HMGCLL1: variants seen among roughly 807,000 people sequenced by gnomAD.
HMGCLL1 encodes 3-hydroxymethyl-3-methylglutaryl-CoA lyase, cytoplasmic.
In HMGCLL1, 36 loss-of-function variants were observed where a neutral mutation model predicts 39.1. The ratio of observed to expected loss-of-function variants is 0.92; its 90% confidence interval spans 0.71 to 1.22. The LOEUF (loss-of-function observed/expected upper bound fraction) is 1.22, where lower values mean the gene tolerates loss of function less well. Ranked by LOEUF, HMGCLL1 falls within the 50% of genes most tolerant of loss-of-function variation. HMGCLL1 has a pLI of 0.00. For synonymous variants in HMGCLL1, 149 were observed against 144.0 expected (o/e 1.03, Z -0.25); for missense variants, 451 against 416.5 (o/e 1.08, Z -0.72).
intron 1 of HMGCLL1, among the ~76,000 whole-genome samples, chr6:55,546,254 T>C (rs1489530579): frequency 2.0e-5 from 3 of 152,120 alleles, no homozygotes; most frequent in Non-Finnish European, 4.4e-5. Context: ...AAGATTCAAT[T>C]TGTCATCTAC....
chr6:55,446,322 T>G (rs1763839147), intron 7 of HMGCLL1, among the ~76,000 whole-genome samples: 2 of 148,430 alleles, frequency 1.3e-5, no homozygotes. Context: ...TAAATATATT[T>G]TTATATAACA....
At chr6:55,486,101 ATG>A (rs570744536) in intron 7 of HMGCLL1, among the ~76,000 whole-genome samples, 13 of 148,662 alleles carry the variant, frequency 8.7e-5, no homozygotes, top group South Asian at 4.3e-4. Context: ...CACAATATGT[ATG>A]TGTGTGTGTG....
chr6:55,669,999 T>A, the HMGCLL1 span, among the ~76,000 whole-genome samples: 1 of 151,830 alleles, frequency 6.6e-6, no homozygotes, highest in African/African-American at 2.4e-5. Flanking sequence ...TTTAGGAAGT[T>A]AAATTACAAA....
At chr6:55,572,034 A>C (rs984229866) in intron 1 of HMGCLL1, among the ~76,000 whole-genome samples, 1 of 152,130 alleles carries the variant, frequency 6.6e-6, no homozygotes, top group African/African-American at 2.4e-5. Context: ...AAAAGTAGAG[A>C]AGAATTTTTT....
At chr6:55,601,158 T>C in the HMGCLL1 span, among the ~76,000 whole-genome samples, 2 of 152,170 alleles carry the variant, frequency 1.3e-5, no homozygotes, top group Admixed American at 6.6e-5. Context: ...CATATAACAA[T>C]GAAAACTGTT....
intron 1 of HMGCLL1, among the ~76,000 whole-genome samples, chr6:55,572,386 AT>A (rs1401243612): frequency 6.6e-6 from 1 of 152,186 alleles, no homozygotes; most frequent in Non-Finnish European, 1.5e-5. Context: ...TTATTCATCT[AT>A]CAAAATTTTA....
At chr6:55,671,585 T>C in the HMGCLL1 span, among the ~76,000 whole-genome samples, 1 of 151,810 alleles carries the variant, frequency 6.6e-6, no homozygotes, top group African/African-American at 2.4e-5. Context: ...AGCAAAGACA[T>C]ATAAAAACTT....
At chr6:55,501,112 A>ACT (rs59233169) in intron 5 of HMGCLL1, among the ~76,000 whole-genome samples, 102,202 of 151,408 alleles carry the variant, frequency 0.68, 34,504 homozygotes, top group Non-Finnish European at 0.7. Context: ...AGATCTTCAC[A>ACT]CTGTCTCATT....
intron 1 of HMGCLL1, among the ~76,000 whole-genome samples, chr6:55,578,741 C>G (rs1771881588): frequency 6.6e-6 from 1 of 152,184 alleles, no homozygotes; most frequent in African/African-American, 2.4e-5. Context: ...AGGGTCTGAT[C>G]TGTAGAGGCG....
At chr6:55,596,518 A>T in the HMGCLL1 span, among the ~76,000 whole-genome samples, 2 of 151,200 alleles carry the variant, frequency 1.3e-5, no homozygotes, top group South Asian at 2.1e-4. Flanking sequence ...GATGTAAAAG[A>T]TTTAATTATG....
In HMGCLL1 at chr6:55,528,246, C is replaced by T. The variant is rs144313820; in HGVS notation, c.298-11643G>A. On this transcript the variant is annotated intron_variant, in intron 3 of 8. Coordinates refer to ENST00000274901, the MANE Select transcript of HMGCLL1 (RefSeq NM_001042406.2). ...TTACTTTCTATATGCAGGCGTACAA[C>T]AGGAAAGAGACATAGAGCATGCAAT... Among the ~76,000 whole-genome samples, 6 of 152,108 alleles carry T rather than the reference C, an allele frequency of 3.9e-5. No homozygotes were observed. In the East Asian group the frequency reaches 1.2e-3, roughly 29 times the overall value.
chr6:55,548,635 A>G (rs1359434649), intron 1 of HMGCLL1, among the ~76,000 whole-genome samples: 1 of 152,036 alleles, frequency 6.6e-6, no homozygotes, highest in Non-Finnish European at 1.5e-5. Flanking sequence ...TTTTTTTAAA[A>G]GTAGCTTCAG....
chr6:55,534,526 G>T (rs12216528), intron 3 of HMGCLL1, among the ~76,000 whole-genome samples: 29,377 of 152,134 alleles, frequency 0.19, 2,971 homozygotes, highest in Admixed American at 0.26. Flanking sequence ...GATTAAAGCT[G>T]CTATGCTGTG....
At chr6:55,453,626 T>A (rs760390219) in intron 7 of HMGCLL1, among the ~76,000 whole-genome samples, 3 of 152,202 alleles carry the variant, frequency 2.0e-5, no homozygotes, top group Non-Finnish European at 4.4e-5. Flanking sequence ...TCATCAGCAC[T>A]TTTATTTTCT....
At chr6:55,463,912 T>A (rs1764690257) in intron 7 of HMGCLL1, among the ~76,000 whole-genome samples, 1 of 152,030 alleles carries the variant, frequency 6.6e-6, no homozygotes, top group Non-Finnish European at 1.5e-5. Context: ...ATAAAAAAAA[T>A]AGGAAGAAAA....
chr6:55,591,237 A>G, the HMGCLL1 span, among the ~76,000 whole-genome samples: 2 of 152,078 alleles, frequency 1.3e-5, no homozygotes, highest in East Asian at 1.9e-4. Context: ...GAAGGACTCA[A>G]TCTTGTCCTA....
intron 1 of HMGCLL1, among the ~76,000 whole-genome samples, chr6:55,575,034 AT>A (rs907781311): frequency 1.3e-5 from 2 of 152,062 alleles, no homozygotes; most frequent in Non-Finnish European, 2.9e-5. Context: ...ATGTGAAGAG[AT>A]TTAGTTATTG....
intron 5 of HMGCLL1, among the ~76,000 whole-genome samples, chr6:55,502,109 GT>G (rs1256678629): frequency 2.0e-5 from 3 of 151,796 alleles, no homozygotes; most frequent in Admixed American, 6.6e-5. Context: ...GTTGCAGACT[GT>G]TTTGTCAGCA....
chr6:55,582,272 T>C (rs1335589613), upstream of HMGCLL1, among the ~76,000 whole-genome samples: 2 of 152,142 alleles, frequency 1.3e-5, no homozygotes, highest in Non-Finnish European at 2.9e-5. Context: ...ACAGAATATA[T>C]AAAGTGTTCA....
Sources: gnomAD v4.1 joint callset for allele counts (sites outside exome capture counted in the v4.1 genomes callset) on GRCh38, gnomAD v4.1.1 for gene constraint, MANE v1.5 for transcripts, NCBI Gene and HGNC (gene_info 2026-07-23, HGNC 2026-07-21) for gene names.